The following PRR16 variants were observed in gnomAD, a reference collection of about 807,000 sequenced individuals.
PRR16 encodes protein Largen.
PRR16 carries 6 observed loss-of-function variants against 18.2 expected under a neutral mutation model. That is an observed-to-expected ratio of 0.33 (90% CI 0.18 to 0.65). The LOEUF (loss-of-function observed/expected upper bound fraction) is 0.65, where lower values mean the gene tolerates loss of function less well. Among genes scored for constraint, PRR16 ranks in the 30% least tolerant of loss-of-function variants. The probability of loss-of-function intolerance (pLI) is 0.74; values close to 1 mark genes in which losing one functional copy is unlikely to be tolerated. For missense variants in PRR16, 412 were observed against 376.6 expected (o/e 1.09, Z -0.78); for synonymous variants, 151 against 147.8 (o/e 1.02, Z -0.16).
chr5:120,550,365 C>T (rs1752216137), intron 1 of PRR16, among the ~76,000 whole-genome samples: 1 of 152,010 alleles, frequency 6.6e-6, no homozygotes, highest in South Asian at 2.1e-4. Context: ...AAGTAAGTGA[C>T]AAAGTGTGGG....
chr5:120,630,330 C>T (rs917380924), intron 1 of PRR16, among the ~76,000 whole-genome samples: 4 of 151,908 alleles, frequency 2.6e-5, no homozygotes, highest in Admixed American at 2.0e-4. Flanking sequence ...GTTTCCATTC[C>T]TATTGCTTGT....
chr5:120,790,220 A>G, the PRR16 span: 5 of 152,294 alleles, frequency 3.3e-5, no homozygotes, highest in Non-Finnish European at 7.4e-5. Context: ...CTCAGAAATT[A>G]CCATGAAGAT....
At chr5:120,537,496 C>T (rs190109964) in intron 1 of PRR16, among the ~76,000 whole-genome samples, 3 of 152,088 alleles carry the variant, frequency 2.0e-5, no homozygotes, top group Admixed American at 2.0e-4. Context: ...AAATGTTACC[C>T]ATACCAATAT....
intron 1 of PRR16, among the ~76,000 whole-genome samples, chr5:120,674,323 G>T (rs550502382): frequency 1.3e-5 from 2 of 151,886 alleles, no homozygotes; most frequent in African/African-American, 4.8e-5. Flanking sequence ...CTTCTTTCTC[G>T]GATTCCATTT....
chr5:120,493,420 G>T (rs1163255030), intron 1 of PRR16, among the ~76,000 whole-genome samples: 1 of 151,770 alleles, frequency 6.6e-6, no homozygotes, highest in African/African-American at 2.4e-5. Context: ...CTTCTCATTT[G>T]ACCAGTCTTT....
At chr5:120,472,802 T>TA (rs1197910363) in intron 1 of PRR16, among the ~76,000 whole-genome samples, 1 of 152,184 alleles carries the variant, frequency 6.6e-6, no homozygotes, top group Admixed American at 6.5e-5. Context: ...GGTATATTTA[T>TA]AATTCACGAC....
chr5:120,675,194 G>A (rs1391524963), intron 1 of PRR16, among the ~76,000 whole-genome samples: 1 of 152,126 alleles, frequency 6.6e-6, no homozygotes, highest in African/African-American at 2.4e-5. Context: ...AGAGCAAATG[G>A]CTGGATGCTG....
intron 1 of PRR16, among the ~76,000 whole-genome samples, chr5:120,485,877 C>T (rs1417924009): frequency 6.6e-6 from 1 of 152,120 alleles, no homozygotes; most frequent in Non-Finnish European, 1.5e-5. Flanking sequence ...TCAATTCCCA[C>T]CTATGAGTGA....
At chr5:120,696,381 A>G in the PRR16 span, among the ~76,000 whole-genome samples, 1 of 152,244 alleles carries the variant, frequency 6.6e-6, no homozygotes, top group Admixed American at 6.5e-5. Context: ...AATTAGCAGT[A>G]TTATTAAAGG....
chr5:120,599,116 C>CT (rs1309465602), intron 1 of PRR16, among the ~76,000 whole-genome samples: 1 of 151,488 alleles, frequency 6.6e-6, no homozygotes, highest in Non-Finnish European at 1.5e-5. Flanking sequence ...TGCTTTGCTG[C>CT]TTTTTTTCTG....
At chr5:120,683,538 T>G (rs1319795502) in intron 1 of PRR16, among the ~76,000 whole-genome samples, 1 of 151,584 alleles carries the variant, frequency 6.6e-6, no homozygotes, top group Admixed American at 6.6e-5. Flanking sequence ...ATAAACAAAC[T>G]AATTACATTA....
intron 1 of PRR16, among the ~76,000 whole-genome samples, chr5:120,503,147 T>A (rs1470994338): frequency 1.3e-5 from 2 of 152,142 alleles, no homozygotes; most frequent in Non-Finnish European, 2.9e-5. Context: ...TTAGTAAATA[T>A]GAGTACTGAA....
At chr5:120,705,024 A>C in the PRR16 span, among the ~76,000 whole-genome samples, 1 of 152,230 alleles carries the variant, frequency 6.6e-6, no homozygotes, top group East Asian at 1.9e-4. Flanking sequence ...TATGACTTCC[A>C]TGCATTACTT....
At chr5:120,729,930 G>T in the PRR16 span, among the ~76,000 whole-genome samples, 2 of 152,150 alleles carry the variant, frequency 1.3e-5, no homozygotes, top group Admixed American at 1.3e-4. Flanking sequence ...TTTGCTCTGT[G>T]GGTCCAGATA....
intron 1 of PRR16, among the ~76,000 whole-genome samples, chr5:120,608,223 T>A (rs1165448460): frequency 6.6e-6 from 1 of 152,130 alleles, no homozygotes; most frequent in East Asian, 1.9e-4. Flanking sequence ...GGAGTAAAAT[T>A]TTGCCTTCCC....
chr5:120,781,759 G>GA, the PRR16 span, among the ~76,000 whole-genome samples: 1 of 152,052 alleles, frequency 6.6e-6, no homozygotes, highest in Admixed American at 6.6e-5. Context: ...TTTCTTGTGC[G>GA]AATACTGATG....
the PRR16 span, among the ~76,000 whole-genome samples, chr5:120,708,641 A>T: frequency 1.3e-5 from 2 of 152,208 alleles, no homozygotes; most frequent in East Asian, 3.8e-4. Context: ...CAAAGCGATT[A>T]TCAAATTCTG....
At chr5:120,631,919 G>A (rs1202514618) in intron 1 of PRR16, among the ~76,000 whole-genome samples, 7 of 152,090 alleles carry the variant, frequency 4.6e-5, no homozygotes, top group Non-Finnish European at 5.9e-5. Context: ...CTGGCTGGAG[G>A]CCAACCAACA....
chr5:120,665,708 A>T (rs1384902403), intron 1 of PRR16, among the ~76,000 whole-genome samples: 1 of 152,190 alleles, frequency 6.6e-6, no homozygotes, highest in African/African-American at 2.4e-5. Flanking sequence ...CATTTATTAA[A>T]TAGGGAATCC....
Sources: gnomAD v4.1 joint callset for allele counts (sites outside exome capture counted in the v4.1 genomes callset) on GRCh38, gnomAD v4.1.1 for gene constraint, MANE v1.5 for transcripts, NCBI Gene and HGNC (gene_info 2026-07-23, HGNC 2026-07-21) for gene names.